FBXO38: variants seen among roughly 807,000 people sequenced by gnomAD.
FBXO38 encodes the protein F-box protein 38.
Under a neutral mutation model 131.9 loss-of-function variants are expected in FBXO38, and 53 were observed. The ratio of observed to expected loss-of-function variants is 0.40; its 90% CI spans 0.32 to 0.51. FBXO38 has a LOEUF of 0.51. Ranked by LOEUF, FBXO38 falls within the 20% of genes least tolerant of loss-of-function variation. The pLI is 0.53. For missense variants in FBXO38, 1,076 were observed against 1,475.6 expected (o/e 0.73, Z 4.44); for synonymous variants, 452 against 505.6 (o/e 0.89, Z 1.42).
chr5:148,403,224 C>T (rs1026495123), intron 5 of FBXO38, among the ~76,000 whole-genome samples: 3 of 151,980 alleles, frequency 2.0e-5, no homozygotes, highest in Admixed American at 6.6e-5. Context: ...TTCTACAATG[C>T]CTGTCACAGT....
chr5:148,421,721 GAAAA>G (rs1753447379), intron 12 of FBXO38, among the ~76,000 whole-genome samples: 1 of 151,968 alleles, frequency 6.6e-6, no homozygotes, highest in African/African-American at 2.4e-5. Context: ...TCCAACAAAG[GAAAA>G]AAGTCAAAAC....
chr5:148,402,320 T>C (rs773037660), intron 4 of FBXO38, 28 bp from the exon 5 acceptor site: 21 of 1,582,160 alleles, frequency 1.3e-5, no homozygotes, highest in Non-Finnish European at 1.6e-5. Context: ...AAGTCTTTTC[T>C]TATGCTTGCT....
At chr5:148,431,095 GTC>G (rs779464139) in intron 15 of FBXO38, among the ~76,000 whole-genome samples, 67 of 152,192 alleles carry the variant, frequency 4.4e-4, no homozygotes, top group Non-Finnish European at 7.2e-4. Flanking sequence ...GACAAGGACA[GTC>G]TCTGCTTTTT....
rs570454521 is a variant in FBXO38 at position 148,440,324 on chromosome 5, G to A, written c.3171-100G>A. The A allele has an allele frequency of 7.9e-5, 57 of 720,252 alleles. No homozygotes were observed. In the African/African-American group the frequency reaches 8.7e-4, roughly 11 times the overall value. The allele number at this position is 720,252 out of a possible 1,614,324, so 44.6% of individuals were successfully genotyped here. ...TTTGATGTTTTGTTTGAGATGTTCG[G>A]TAGAATCTGTGTCCGAAACAGTTTT... On this transcript the variant is annotated intron_variant, in intron 19 of 21. Transcript: ENST00000340253.
At chr5:148,406,422 T>G in intron 7 of FBXO38, 28 bp downstream of exon 7, 1 of 1,502,482 alleles carries the variant, frequency 6.7e-7, no homozygotes. Flanking sequence ...TTACTAAATA[T>G]TTTTTAAAAA....
chr5:148,405,098 C>A (rs946394382), intron 6 of FBXO38, among the ~76,000 whole-genome samples: 9 of 150,148 alleles, frequency 6.0e-5, no homozygotes, highest in African/African-American at 2.2e-4. Flanking sequence ...TATTAAATTT[C>A]AGTCTTCTTA....
chr5:148,393,461 A>G (rs1050001192), intron 1 of FBXO38, among the ~76,000 whole-genome samples: 1 of 151,950 alleles, frequency 6.6e-6, no homozygotes, highest in African/African-American at 2.4e-5. Context: ...GTTCTTTCCT[A>G]CTTTTTGCAG....
At chr5:148,441,572 A>G in intron 21 of FBXO38, 1 of 211,386 alleles carries the variant, frequency 4.7e-6, no homozygotes, top group Non-Finnish European at 9.2e-6. Context: ...CCTGCTAGTT[A>G]TGAGCTGCTT....
At chr5:148,435,520 C>T (rs1032495888) in intron 17 of FBXO38, among the ~76,000 whole-genome samples, 1 of 152,166 alleles carries the variant, frequency 6.6e-6, no homozygotes, top group African/African-American at 2.4e-5. Context: ...GCCTGTAATC[C>T]CAGCACTTTG....
At chr5:148,384,469 G>A (rs143434356) in intron 1 of FBXO38, among the ~76,000 whole-genome samples, 1 of 152,154 alleles carries the variant, frequency 6.6e-6, no homozygotes, top group Admixed American at 6.5e-5. Context: ...CCCTGAGCAG[G>A]AAGCAGTGAA....
At chr5:148,420,902 C>A (rs563700036) in intron 12 of FBXO38, among the ~76,000 whole-genome samples, 1 of 151,858 alleles carries the variant, frequency 6.6e-6, no homozygotes, top group Non-Finnish European at 1.5e-5. Context: ...AGCAATCCAA[C>A]CAACTCAGCC....
intron 18 of FBXO38, 106 bp downstream of exon 18, chr5:148,438,604 C>A: frequency 8.7e-7 from 1 of 1,146,552 alleles, no homozygotes; most frequent in Non-Finnish European, 1.2e-6. Context: ...TTCACTTGCC[C>A]AACCTACAGT....
chr5:148,392,342 A>G (rs1452694037), intron 1 of FBXO38, among the ~76,000 whole-genome samples: 1 of 152,172 alleles, frequency 6.6e-6, no homozygotes, highest in Non-Finnish European at 1.5e-5. Flanking sequence ...AAGGTTTACA[A>G]TTCAGGAATT....
chr5:148,384,550 C>T (rs888271909), intron 1 of FBXO38, among the ~76,000 whole-genome samples: 1 of 152,164 alleles, frequency 6.6e-6, no homozygotes, highest in Non-Finnish European at 1.5e-5. Flanking sequence ...ACCTACACAC[C>T]GTGTGACCTT....
rs11949133 is a variant in FBXO38, at chr5:148,433,450, G to A, written c.2680G>A (p.Ala894Thr). ...AGTAGCCAAAACAAAGCCACGTCACGCCATGAAACGGAAGCGGACAGCAGA... is the reference window on the plus strand; with the variant it reads ...AGTAGCCAAAACAAAGCCACGTCACACCATGAAACGGAAGCGGACAGCAGA... ...SEVAKTKPRHAMKRKRTADKS... is the reference protein window; with the variant it reads ...SEVAKTKPRHTMKRKRTADKS... Residue 894 changes from alanine (A) to threonine (T), a missense_variant, in exon 16 of 22, where the codon GCC becomes ACC. By Grantham distance (58) the Ala-to-Thr change is moderately conservative. Around this residue, in one of 8 missense-constraint regions of FBXO38, gnomAD observed 282 missense variants for 418.8 expected, o/e 0.67. Coordinates refer to ENST00000340253, the MANE Select transcript of FBXO38 (RefSeq NM_205836.3). 5.7e-3 allele frequency: 9,242 copies of A among 1,613,296 alleles called. 422 individuals are homozygous for A. In the African/African-American group the frequency reaches 0.1, roughly 18 times the overall value.
intron 3 of FBXO38, among the ~76,000 whole-genome samples, chr5:148,400,803 G>T (rs917141004): frequency 2.0e-5 from 3 of 152,024 alleles, no homozygotes; most frequent in African/African-American, 7.3e-5. Context: ...TTCCAGCACT[G>T]CCATTTGGAA....
rs1475603921 is a variant in FBXO38, at chr5:148,409,137, T to C, written c.882T>C (p.Asn294=). The change falls in exon 8 of 22, where the codon AAT becomes AAC. Residue 294 remains asparagine (N), a synonymous_variant. Transcript: ENST00000340253. The part of the protein sequence containing the change: ...EDSWRSGGFR[N]LHTIVLGACK... ...CCTCGTCTTTAGGTGGTTTTAGAAA[T>C]TTGCACACTATTGTTCTGGGAGCTT... 4 of 1,611,818 alleles carry C rather than the reference T, an allele frequency of 2.5e-6. No homozygotes were observed. Among genetic ancestry groups the C allele is most frequent in the Non-Finnish European group, 3.4e-6 (4 of 1,178,118 alleles).
At chr5:148,427,974 A>C (rs888530791) in intron 15 of FBXO38, 27 bp downstream of exon 15, 42 of 1,476,398 alleles carry the variant, frequency 2.8e-5, no homozygotes, top group Non-Finnish European at 3.7e-5. Context: ...AGGATTAGCA[A>C]CTGCAGGGTA....
At chr5:148,415,877 A>G in intron 10 of FBXO38, 51 bp from the exon 11 acceptor site, 2 of 1,597,922 alleles carry the variant, frequency 1.3e-6, no homozygotes, top group Non-Finnish European at 1.7e-6. Flanking sequence ...TTCATCAGTA[A>G]TGGGGAAAAT....
Sources: allele counts gnomAD v4.1 joint callset (sites outside exome capture counted in the v4.1 genomes callset), GRCh38; gene constraint gnomAD v4.1.1; regional missense constraint gnomAD v4.1.1; transcripts MANE v1.5; gene names NCBI Gene and HGNC (gene_info 2026-07-23, HGNC 2026-07-21).